The following ARHGAP19 variants were observed in gnomAD, a reference collection of about 807,000 sequenced individuals.
ARHGAP19 encodes the protein Rho GTPase activating protein 19.
In ARHGAP19, 48 loss-of-function variants were observed where a neutral mutation model predicts 60.9. The ratio of observed to expected loss-of-function variants is 0.79; its 90% CI spans 0.62 to 1.00. The LOEUF (loss-of-function observed/expected upper bound fraction) is 1.00. Among genes scored for constraint, ARHGAP19 ranks in the 50% least tolerant of loss-of-function variants. The pLI, the probability that ARHGAP19 is intolerant of heterozygous loss-of-function variation, is 0.00. For missense variants in ARHGAP19, 562 were observed against 597.2 expected, an observed-to-expected ratio of 0.94 and a Z score of 0.61; for synonymous variants, 209 against 215.5, an observed-to-expected ratio of 0.97 and a Z score of 0.27.
chr10:97,229,925 A>C (rs754365385), intron 9 of ARHGAP19, 51 bp from the exon 10 acceptor site: 31 of 1,321,814 alleles, frequency 2.3e-5, no homozygotes, highest in Non-Finnish European at 3.2e-5. Flanking sequence ...CTGCATCTAC[A>C]GTGGAGCTAT....
chr10:97,287,191 T>C (rs1476420132), intron 1 of ARHGAP19, among the ~76,000 whole-genome samples: 2 of 152,196 alleles, frequency 1.3e-5, no homozygotes, highest in Non-Finnish European at 2.9e-5. Context: ...GTGATCTTCC[T>C]GTCTCTGCCT....
chr10:97,265,094 A>G (rs977245673), intron 2 of ARHGAP19, among the ~76,000 whole-genome samples, 188 bp from the exon 3 acceptor site: 1 of 152,184 alleles, frequency 6.6e-6, no homozygotes, highest in African/African-American at 2.4e-5. Flanking sequence ...AGCTCTCTCT[A>G]AGTTCAATAT....
At chr10:97,248,816 T>TTTTGTTTG (rs112710177) in intron 6 of ARHGAP19, among the ~76,000 whole-genome samples, 41 of 152,086 alleles carry the variant, frequency 2.7e-4, no homozygotes, top group Admixed American at 9.2e-4. Context: ...TAAATATCAA[T>TTTTGTTTG]TTTGTTTGTT....
At chr10:97,262,290 G>A (rs1282681080) in intron 4 of ARHGAP19, among the ~76,000 whole-genome samples, 1 of 151,746 alleles carries the variant, frequency 6.6e-6, no homozygotes, top group African/African-American at 2.4e-5. Flanking sequence ...AGGAGAGAAG[G>A]TTTTTACTGT....
At position 97,229,137 on chromosome 10, in the gene ARHGAP19, C is replaced by A. The variant is rs370679610; in HGVS notation, c.1474+10G>T. On this transcript the variant is annotated intron_variant, in intron 11 of 11. Coordinates refer to ENST00000358531, the MANE Select transcript of ARHGAP19 (RefSeq NM_032900.6). ...ATTTAGTAAGAACAGAGAGTAAGTA[C>A]AATTAGTACCTTTTTTCCCCTCTTT... The A allele has an allele frequency of 3.1e-6, 5 of 1,609,232 alleles. No individual in the cohort carries two copies. The highest frequency in any genetic ancestry group is 2.6e-6 in the Non-Finnish European group (3 of 1,175,638).
At chr10:97,266,870 G>C (rs1453136641) in intron 1 of ARHGAP19, among the ~76,000 whole-genome samples, 1 of 152,138 alleles carries the variant, frequency 6.6e-6, no homozygotes, top group East Asian at 1.9e-4. Flanking sequence ...CTCATGACAT[G>C]TGGGGATTAT....
In ARHGAP19 at chr10:97,285,768, C is replaced by G. The variant is rs577607654; in HGVS notation, c.56+6804G>C. On this transcript the variant is annotated intron_variant, in intron 1 of 11. Transcript: ENST00000358531. Reference sequence around the variant, plus strand: ...CTCCTGACCTCAAGTGATCTGCCCGCCTCGGCCTCCCAAAGTGCTGCGATT... The same window carrying G: ...CTCCTGACCTCAAGTGATCTGCCCGGCTCGGCCTCCCAAAGTGCTGCGATT... 4.6e-4 allele frequency among the ~76,000 whole-genome samples: 70 copies of G among 152,302 alleles called. 1 individual carries two copies. Among genetic ancestry groups the G allele is most frequent in the African/African-American group, 1.5e-3 (63 of 41,572 alleles).
chr10:97,248,617 T>C (rs1842597229), intron 6 of ARHGAP19, among the ~76,000 whole-genome samples: 1 of 152,028 alleles, frequency 6.6e-6, no homozygotes, highest in Non-Finnish European at 1.5e-5. Flanking sequence ...AAACAATGAA[T>C]ATACCTAGTA....
At position 97,285,393 on chromosome 10, in the gene ARHGAP19, C is replaced by T. The variant is rs560727716; in HGVS notation, c.56+7179G>A. ...AGTCACCCAGGCCAGAGTGTAGTGG[C>T]GGCATTCTAGCTTATTGCAGCCTCA... On this transcript the variant is annotated intron_variant, in intron 1 of 11. Coordinates refer to ENST00000358531, the MANE Select transcript of ARHGAP19 (RefSeq NM_032900.6). Among the ~76,000 whole-genome samples, 38 of 151,518 alleles carry T rather than the reference C, an allele frequency of 2.5e-4. No individual in the cohort carries two copies. In the South Asian group the frequency reaches 6.9e-3, roughly 27 times the overall value.
At chr10:97,243,126 G>A (rs183478985) in intron 8 of ARHGAP19, among the ~76,000 whole-genome samples, 181 of 152,222 alleles carry the variant, frequency 1.2e-3, no homozygotes, top group African/African-American at 4.2e-3. Context: ...TCAAAGAGAT[G>A]GCAGAAACTT....
At chr10:97,270,112 T>A (rs201335285) in intron 1 of ARHGAP19, among the ~76,000 whole-genome samples, 3 of 152,052 alleles carry the variant, frequency 2.0e-5, no homozygotes, top group East Asian at 1.9e-4. Context: ...AAAAAAAAGA[T>A]ACCTTGGATC....
At position 97,289,121 on chromosome 10, in the gene ARHGAP19, T is replaced by C. The variant is rs1325891682; in HGVS notation, c.56+3451A>G. ...CGTGAGCCACCGTGCCCGGCTTTTT[T>C]TTTTTTTTTTCGAAACGTAGTCTCG... On this transcript the variant is annotated intron_variant, in intron 1 of 11. Transcript: ENST00000358531. Among the ~76,000 whole-genome samples, 5 of 149,802 alleles carry C rather than the reference T, an allele frequency of 3.3e-5. No individual in the cohort carries two copies. In the East Asian group the frequency reaches 9.8e-4, roughly 29 times the overall value.
At chr10:97,236,121 G>A (rs376147711) in intron 8 of ARHGAP19, among the ~76,000 whole-genome samples, 13 of 152,128 alleles carry the variant, frequency 8.5e-5, no homozygotes, top group East Asian at 7.7e-4. Context: ...GATTACAGGC[G>A]TGCGCCACCA....
intron 1 of ARHGAP19, among the ~76,000 whole-genome samples, chr10:97,270,113 AC>A (rs796440998): frequency 3.3e-5 from 5 of 152,142 alleles, no homozygotes; most frequent in African/African-American, 1.2e-4. Flanking sequence ...AAAAAAAGAT[AC>A]CTTGGATCTC....
intron 1 of ARHGAP19, among the ~76,000 whole-genome samples, chr10:97,280,417 T>C (rs1034768408): frequency 6.6e-6 from 1 of 151,572 alleles, no homozygotes; most frequent in Non-Finnish European, 1.5e-5. Flanking sequence ...TCAAAAATAA[T>C]AATAATAATT....
At chr10:97,239,572 G>T (rs1466355059) in intron 8 of ARHGAP19, among the ~76,000 whole-genome samples, 4 of 149,336 alleles carry the variant, frequency 2.7e-5, no homozygotes, top group African/African-American at 9.8e-5. Flanking sequence ...GTGTGTGTGT[G>T]TGTGTGTGTG....
chr10:97,226,413 A>G (rs1850895542), intron 11 of ARHGAP19, among the ~76,000 whole-genome samples: 1 of 152,184 alleles, frequency 6.6e-6, no homozygotes, highest in Non-Finnish European at 1.5e-5. Context: ...CCAGTATATG[A>G]GGTACTACTC....
At chr10:97,255,533 T>C (rs1436610156) in intron 6 of ARHGAP19, among the ~76,000 whole-genome samples, 1 of 151,968 alleles carries the variant, frequency 6.6e-6, no homozygotes, top group Non-Finnish European at 1.5e-5. Flanking sequence ...GCCAAGACTG[T>C]ACCAATGCAC....
chr10:97,280,005 T>C (rs1237853969), intron 1 of ARHGAP19, among the ~76,000 whole-genome samples: 1 of 152,224 alleles, frequency 6.6e-6, no homozygotes, highest in East Asian at 1.9e-4. Flanking sequence ...TGGTAATTTT[T>C]ATCTTTCTGG....
Sources: gnomAD v4.1 joint callset for allele counts (sites outside exome capture counted in the v4.1 genomes callset) on GRCh38, gnomAD v4.1.1 for gene constraint, MANE v1.5 for transcripts, NCBI Gene and HGNC (gene_info 2026-07-23, HGNC 2026-07-21) for gene names.